The following SLIT3 variants were observed in gnomAD, a reference collection of about 807,000 sequenced individuals.
The protein encoded by SLIT3 is slit guidance ligand 3.
A neutral mutation model predicts 184.0 loss-of-function variants in SLIT3; 68 were observed. The ratio of observed to expected loss-of-function variants is 0.37; its 90% CI spans 0.30 to 0.45. The LOEUF is 0.45. SLIT3 is among the 20% of genes least tolerant of loss of function. SLIT3 has a pLI of 1.00. For missense variants in SLIT3, 1,707 were observed against 2,026.0 expected, an observed-to-expected ratio of 0.84 and a Z score of 3.02; for synonymous variants, 831 against 828.6, an observed-to-expected ratio of 1.00 and a Z score of -0.05.
intron 1 of SLIT3, among the ~76,000 whole-genome samples, chr5:169,293,480 T>C (rs544519164): frequency 6.6e-6 from 1 of 152,226 alleles, no homozygotes; most frequent in African/African-American, 2.4e-5. Context: ...ATCCTGATCA[T>C]GCTCTGATAG....
At chr5:169,084,722 T>C (rs1034741396) in intron 4 of SLIT3, among the ~76,000 whole-genome samples, 2 of 152,212 alleles carry the variant, frequency 1.3e-5, no homozygotes, top group African/African-American at 2.4e-5. Context: ...GTGACAAACT[T>C]GGTCCTGAGC....
chr5:168,748,861 G>A (rs551902601), intron 19 of SLIT3, among the ~76,000 whole-genome samples: 2 of 152,238 alleles, frequency 1.3e-5, no homozygotes, highest in East Asian at 3.9e-4. Flanking sequence ...TTAATTATCT[G>A]TCTCTAGATA....
At chr5:168,859,341 A>G (rs1012194444) in intron 5 of SLIT3, among the ~76,000 whole-genome samples, 6 of 152,216 alleles carry the variant, frequency 3.9e-5, no homozygotes, top group Admixed American at 6.5e-5. Context: ...ATGTAAATCC[A>G]GGGTTCACGA....
intron 4 of SLIT3, among the ~76,000 whole-genome samples, chr5:169,016,994 G>T (rs536324915): frequency 6.6e-6 from 1 of 152,130 alleles, no homozygotes; most frequent in Admixed American, 6.5e-5. Context: ...ATCCAGCTCC[G>T]TCTCTAAGCT....
intron 4 of SLIT3, among the ~76,000 whole-genome samples, chr5:169,080,721 G>C (rs1759000990): frequency 6.6e-6 from 1 of 152,132 alleles, no homozygotes; most frequent in African/African-American, 2.4e-5. Context: ...TGACCTGACT[G>C]ACTGTTTAAC....
intron 6 of SLIT3, among the ~76,000 whole-genome samples, chr5:168,831,932 A>G (rs1369593545): frequency 6.6e-6 from 1 of 152,224 alleles, no homozygotes; most frequent in Non-Finnish European, 1.5e-5. Flanking sequence ...TAAAAGTGGA[A>G]GATCAAAAGA....
chr5:169,048,029 A>G (rs972683831), intron 4 of SLIT3, among the ~76,000 whole-genome samples: 2 of 152,154 alleles, frequency 1.3e-5, no homozygotes, highest in African/African-American at 4.8e-5. Context: ...GGAAGAAACT[A>G]TGTCAAACTC....
At chr5:169,059,039 G>C (rs1347427370) in intron 4 of SLIT3, among the ~76,000 whole-genome samples, 1 of 152,136 alleles carries the variant, frequency 6.6e-6, no homozygotes, top group Admixed American at 6.5e-5. Flanking sequence ...GAGAAGCCCT[G>C]AATTGGAGGG....
intron 33 of SLIT3, among the ~76,000 whole-genome samples, chr5:168,671,788 A>G (rs1193836336): frequency 3.3e-5 from 5 of 152,182 alleles, no homozygotes; most frequent in South Asian, 2.1e-4. Context: ...CCATTGCCCT[A>G]TGATCCCACT....
intron 2 of SLIT3, among the ~76,000 whole-genome samples, chr5:169,249,900 G>A (rs550461597): frequency 6.6e-6 from 1 of 152,368 alleles, no homozygotes; most frequent in South Asian, 2.1e-4. Flanking sequence ...GGTGTGGAGA[G>A]CATCTGCAAG....
intron 12 of SLIT3, among the ~76,000 whole-genome samples, chr5:168,783,625 G>A (rs1291665579): frequency 2.0e-5 from 3 of 152,210 alleles, no homozygotes; most frequent in African/African-American, 7.2e-5. Flanking sequence ...TGAGTCAAAG[G>A]AGAGAAAATA....
chr5:169,062,801 T>C (rs552786523), intron 4 of SLIT3, among the ~76,000 whole-genome samples: 18 of 152,328 alleles, frequency 1.2e-4, no homozygotes, highest in African/African-American at 3.4e-4. Flanking sequence ...GTGACCATCA[T>C]TTCCCCCTTC....
In SLIT3 at chr5:168,666,488, C is replaced by T. The variant is rs1315364336; in HGVS notation, c.4538G>A (p.Arg1513Lys). Reference sequence around the variant, plus strand: ...CGCGAGGCAGCCGCACTCTAAGTGTCTCTCCACCTCTTCTACAAACGAGGA... The same window carrying T: ...CGCGAGGCAGCCGCACTCTAAGTGTTTCTCCACCTCTTCTACAAACGAGGA... ...DGSSFVEEVE[R>K]HLECGCLACS The change falls in exon 36 of 36, where the codon AGA becomes AAA. Residue 1513 changes from arginine to lysine, a missense_variant. By Grantham distance (26) the Arg-to-Lys change is conservative. Transcript: ENST00000519560. 6.3e-7 allele frequency: 1 copy of T among 1,599,886 alleles called. No homozygotes were observed. The highest frequency in any genetic ancestry group is 1.1e-5 in the South Asian group (1 of 89,574).
Position 168,772,777 on chromosome 5 carries a change from T to A in SLIT3, c.1459+4A>T, listed in dbSNP as rs1198142580. Reference sequence around the variant, plus strand: ...AGCGGGGCCCAGCCCCGTAACCTGATTACCTGAGCAGCGGAACTTCTTGCT... The same window carrying A: ...AGCGGGGCCCAGCCCCGTAACCTGAATACCTGAGCAGCGGAACTTCTTGCT... On this transcript the variant is annotated splice_donor_region_variant and intron_variant, in intron 14 of 35. Transcript: ENST00000519560. 1 of 1,614,092 alleles carries A rather than the reference T, an allele frequency of 6.2e-7. No individual in the cohort carries two copies. The highest frequency in any genetic ancestry group is 1.7e-5 in the Admixed American group (1 of 60,020).
Position 168,762,506 on chromosome 5 carries a change from G to A in SLIT3, c.1610+33C>T, listed in dbSNP as rs200706771. Reference sequence around the variant, plus strand: ...GCTCCGGGTGACTGGCGTGTGGGGAGGAGTAGGGAGTTCACGCCGAGGTTG... The same window carrying A: ...GCTCCGGGTGACTGGCGTGTGGGGAAGAGTAGGGAGTTCACGCCGAGGTTG... On this transcript the variant is annotated intron_variant, in intron 15 of 35. Coordinates refer to ENST00000519560, the MANE Select transcript of SLIT3 (RefSeq NM_003062.4). 3.7e-4 allele frequency: 597 copies of A among 1,605,480 alleles called. 4 individuals are homozygous for A. The South Asian group carries it at 6.2e-3, about 17-fold the overall frequency.
chr5:168,966,168 G>A (rs1303657336), intron 4 of SLIT3, among the ~76,000 whole-genome samples: 1 of 152,158 alleles, frequency 6.6e-6, no homozygotes, highest in South Asian at 2.1e-4. Context: ...TATCTGATTA[G>A]CATTAGAGAC....
intron 4 of SLIT3, among the ~76,000 whole-genome samples, chr5:169,057,664 G>A (rs1172591871): frequency 6.6e-6 from 1 of 152,190 alleles, no homozygotes; most frequent in Non-Finnish European, 1.5e-5. Flanking sequence ...AAGGGCAGAA[G>A]GTGGAGTAGG....
At chr5:169,104,452 G>C (rs972017482) in intron 4 of SLIT3, among the ~76,000 whole-genome samples, 8 of 152,180 alleles carry the variant, frequency 5.3e-5, no homozygotes, top group African/African-American at 1.9e-4. Context: ...GTTTTCACCT[G>C]TCAAAATGAA....
chr5:169,203,366 C>T (rs1305288211), intron 3 of SLIT3, among the ~76,000 whole-genome samples: 1 of 151,072 alleles, frequency 6.6e-6, no homozygotes, highest in East Asian at 1.9e-4. Context: ...CACACACACA[C>T]ACACACACAC....
Sources: allele counts gnomAD v4.1 joint callset (sites outside exome capture counted in the v4.1 genomes callset), GRCh38; gene constraint gnomAD v4.1.1; transcripts MANE v1.5; gene names NCBI Gene and HGNC (gene_info 2026-07-23, HGNC 2026-07-21).